Variants in VAV1 observed in about 807,000 individuals in gnomAD.
VAV1 encodes proto-oncogene vav.
Under a neutral mutation model 128.1 loss-of-function variants are expected in VAV1, and 33 were observed. The ratio of observed to expected loss-of-function variants is 0.26; its 90% CI spans 0.20 to 0.34. The LOEUF is 0.34. VAV1 is among the 10% of genes least tolerant of loss of function. The probability of loss-of-function intolerance (pLI) is 1.00; values close to 1 mark genes in which losing one functional copy is unlikely to be tolerated. For synonymous variants in VAV1, 394 were observed against 409.8 expected (o/e 0.96, Z 0.47); for missense variants, 715 against 1,093.7 (o/e 0.65, Z 4.88).
At chr19:6,806,691 G>A (rs762788926) in intron 1 of VAV1, among the ~76,000 whole-genome samples, 3 of 152,180 alleles carry the variant, frequency 2.0e-5, no homozygotes, top group Non-Finnish European at 4.4e-5. Context: ...GGTCTGAAGT[G>A]GGTCATGTGT....
At chr19:6,798,653 T>TC (rs894095961) in intron 1 of VAV1, among the ~76,000 whole-genome samples, 1 of 144,562 alleles carries the variant, frequency 6.9e-6, no homozygotes, top group Non-Finnish European at 1.5e-5. Flanking sequence ...ACCCTGTTTC[T>TC]CCCCTTCCCC....
chr19:6,781,584 G>A (rs139696954), intron 1 of VAV1, among the ~76,000 whole-genome samples: 1 of 151,344 alleles, frequency 6.6e-6, no homozygotes, highest in Admixed American at 6.6e-5. Flanking sequence ...GCACTTTCTA[G>A]AACTACTGAC....
intron 2 of VAV1, among the ~76,000 whole-genome samples, 153 bp from the exon 3 acceptor site, chr19:6,821,469 G>A (rs1308618691): frequency 6.6e-6 from 1 of 152,154 alleles, no homozygotes; most frequent in Admixed American, 6.5e-5. Context: ...TTGAGAGAAC[G>A]ATGGTATGGG....
chr19:6,849,522 A>G (rs1032969596), intron 23 of VAV1, among the ~76,000 whole-genome samples: 1 of 150,888 alleles, frequency 6.6e-6, no homozygotes. Context: ...CATGTTGGCC[A>G]GGCTGGTCTC....
chr19:6,826,391 G>A lies in VAV1; in HGVS notation c.828-221G>A, dbSNP rs376551116. On this transcript the variant is annotated intron_variant, in intron 8 of 26. Coordinates refer to ENST00000602142, the MANE Select transcript of VAV1 (RefSeq NM_005428.4). The surrounding 1 kb of genome is among the most constrained non-coding windows in gnomAD (Gnocchi z 4.1). Reference sequence around the variant, plus strand: ...TAAAAATAAATAAACATTGGGCAGAGACAATACCAGGTACTGTGGTGAAAT... The same window carrying A: ...TAAAAATAAATAAACATTGGGCAGAAACAATACCAGGTACTGTGGTGAAAT... Among the ~76,000 whole-genome samples the A allele has an allele frequency of 1.6e-4, 24 of 152,220 alleles. No individual in the cohort carries two copies. Among genetic ancestry groups the A allele is most frequent in the Admixed American group, 1.1e-3 (17 of 15,278 alleles).
intron 1 of VAV1, among the ~76,000 whole-genome samples, chr19:6,809,423 C>A (rs763289472): frequency 3.3e-5 from 5 of 152,100 alleles, no homozygotes; most frequent in African/African-American, 4.8e-5. Flanking sequence ...TTGTAATCTA[C>A]CACAAAGGGC....
chr19:6,835,251 A>C (rs1972193602), intron 19 of VAV1, among the ~76,000 whole-genome samples: 1 of 149,804 alleles, frequency 6.7e-6, no homozygotes, highest in South Asian at 2.1e-4. Flanking sequence ...ACACACACGT[A>C]TTTTATTGAG....
chr19:6,810,963 T>C (rs532519361), intron 1 of VAV1, among the ~76,000 whole-genome samples: 3 of 152,350 alleles, frequency 2.0e-5, no homozygotes, highest in Admixed American at 1.3e-4. Context: ...CTTTCAACTG[T>C]TGTTCCAAAA....
At chr19:6,816,415 AG>A (rs968265170) in intron 1 of VAV1, 3 of 151,706 alleles carry the variant, frequency 2.0e-5, no homozygotes, top group African/African-American at 7.3e-5. Flanking sequence ...TGGTCCCAGG[AG>A]GTGAAGGCTG....
chr19:6,814,465 T>C (rs1193369520), intron 1 of VAV1, among the ~76,000 whole-genome samples: 1 of 152,148 alleles, frequency 6.6e-6, no homozygotes, highest in Non-Finnish European at 1.5e-5. Flanking sequence ...GTGAGTTATT[T>C]TTGCTTATGT....
chr19:6,797,250 A>G (rs1274375756), intron 1 of VAV1, among the ~76,000 whole-genome samples: 1 of 134,756 alleles, frequency 7.4e-6, no homozygotes, highest in East Asian at 2.2e-4. Context: ...AAAAAAAAAA[A>G]TTGCATAGTG....
intron 1 of VAV1, among the ~76,000 whole-genome samples, chr19:6,783,093 T>A (rs1050777199): frequency 3.3e-5 from 5 of 152,242 alleles, no homozygotes; most frequent in Non-Finnish European, 5.9e-5. Context: ...GGCAGGAGAA[T>A]GGCTTGAACC....
At chr19:6,809,767 G>A (rs1971476575) in intron 1 of VAV1, among the ~76,000 whole-genome samples, 1 of 152,148 alleles carries the variant, frequency 6.6e-6, no homozygotes, top group African/African-American at 2.4e-5. Flanking sequence ...TGCGGTGGCT[G>A]CTCTAGGATT....
intron 1 of VAV1, among the ~76,000 whole-genome samples, chr19:6,813,602 T>G (rs913497542): frequency 3.9e-5 from 6 of 152,198 alleles, no homozygotes; most frequent in African/African-American, 9.7e-5. Flanking sequence ...ACCCTTTATT[T>G]TCCCTCTGTA....
At position 6,833,866 on chromosome 19, in the gene VAV1, G is replaced by A. The variant is rs779142587; in HGVS notation, c.1732-42G>A. ...AGTAAGGGGGCCTACAAGCCCCCAGGCTGGGCATAGGTAGACAGGCTTTCT... is the reference window on the plus strand; with the variant it reads ...AGTAAGGGGGCCTACAAGCCCCCAGACTGGGCATAGGTAGACAGGCTTTCT... On this transcript the variant is annotated intron_variant, in intron 18 of 26. Coordinates refer to ENST00000602142, the MANE Select transcript of VAV1 (RefSeq NM_005428.4). The A allele has an allele frequency of 3.1e-6, 5 of 1,613,988 alleles. No individual in the cohort carries two copies. In the Admixed American group the frequency reaches 8.3e-5, roughly 27 times the overall value.
intron 1 of VAV1, among the ~76,000 whole-genome samples, chr19:6,797,743 T>TAAA (rs530435791): frequency 9.7e-4 from 87 of 89,932 alleles, no homozygotes; most frequent in African/African-American, 2.1e-3. Flanking sequence ...AAACTCCGTC[T>TAAA]AAAAAAAAAA....
chr19:6,795,490 T>C (rs144505599), intron 1 of VAV1, among the ~76,000 whole-genome samples: 1 of 152,038 alleles, frequency 6.6e-6, no homozygotes, highest in Non-Finnish European at 1.5e-5. Context: ...ATTTATTTAT[T>C]TATTGAATTA....
At chr19:6,837,267 GT>G (rs1361298478) in intron 21 of VAV1, among the ~76,000 whole-genome samples, 4 of 152,154 alleles carry the variant, frequency 2.6e-5, no homozygotes, top group Admixed American at 1.3e-4. Flanking sequence ...GATCATTTTT[GT>G]GTAAAGGTCC....
intron 21 of VAV1, among the ~76,000 whole-genome samples, chr19:6,841,893 C>T (rs192273033): frequency 2.4e-4 from 37 of 152,190 alleles, no homozygotes; most frequent in Non-Finnish European, 4.7e-4. Flanking sequence ...TTTGTTTTTG[C>T]CTTATAGTAG....
Sources: allele counts gnomAD v4.1 joint callset (sites outside exome capture counted in the v4.1 genomes callset), GRCh38; gene constraint gnomAD v4.1.1; non-coding constraint Gnocchi (gnomAD v3.1); transcripts MANE v1.5; gene names NCBI Gene and HGNC (gene_info 2026-07-23, HGNC 2026-07-21).